Variants in EPHA4 observed in about 807,000 individuals in gnomAD.
The protein encoded by EPHA4 is ephrin type-A receptor 4.
EPHA4 carries 19 observed loss-of-function variants against 108.3 expected under a neutral mutation model. That is an observed-to-expected ratio of 0.18 (90% CI 0.12 to 0.26). EPHA4 has a LOEUF of 0.26. EPHA4 is among the 10% of genes least tolerant of loss of function. The pLI, the probability that EPHA4 is intolerant of heterozygous loss-of-function variation, is 1.00. For synonymous variants in EPHA4, 449 were observed against 455.5 expected, an observed-to-expected ratio of 0.99 and a Z score of 0.18; for missense variants, 917 against 1,254.0, an observed-to-expected ratio of 0.73 and a Z score of 4.06.
At chr2:221,460,685 C>T (rs181223790) in intron 5 of EPHA4, among the ~76,000 whole-genome samples, 15 of 152,272 alleles carry the variant, frequency 9.9e-5, no homozygotes, top group Admixed American at 2.0e-4. Context: ...TGGGCTTTTC[C>T]CTCACCCTTT....
At chr2:221,534,717 A>G (rs1206068899) in intron 3 of EPHA4, among the ~76,000 whole-genome samples, 15 of 152,344 alleles carry the variant, frequency 9.8e-5, no homozygotes. Context: ...CATTTAGCTG[A>G]AAATTTAATT....
chr2:221,478,103 G>A (rs1187949605), intron 5 of EPHA4, among the ~76,000 whole-genome samples: 3 of 151,974 alleles, frequency 2.0e-5, no homozygotes, highest in East Asian at 1.9e-4. Flanking sequence ...GATTTAAAAC[G>A]CCAGAATATG....
chr2:221,433,458 A>G (rs891496660), intron 14 of EPHA4, among the ~76,000 whole-genome samples: 1 of 152,222 alleles, frequency 6.6e-6, no homozygotes, highest in Non-Finnish European at 1.5e-5. Context: ...AGAATTAGCT[A>G]AAACGTGTTC....
At chr2:221,556,131 A>G (rs1694294606) in intron 3 of EPHA4, among the ~76,000 whole-genome samples, 1 of 152,222 alleles carries the variant, frequency 6.6e-6, no homozygotes, top group Non-Finnish European at 1.5e-5. Flanking sequence ...ATAACTACTA[A>G]TATTTACCAA....
At chr2:221,555,658 C>G (rs879556500) in intron 3 of EPHA4, among the ~76,000 whole-genome samples, 60 of 152,310 alleles carry the variant, frequency 3.9e-4, no homozygotes, top group Admixed American at 2.7e-3. Context: ...CCAGCTGTAA[C>G]AGGATACAGG....
chr2:221,432,212 G>GA (rs1490039422), intron 14 of EPHA4, among the ~76,000 whole-genome samples: 3 of 151,650 alleles, frequency 2.0e-5, no homozygotes, highest in African/African-American at 7.3e-5. Context: ...ATTTAGGGTA[G>GA]AAAAACTGAC....
intron 3 of EPHA4, among the ~76,000 whole-genome samples, chr2:221,556,471 ATTT>A (rs1225934215): frequency 8.8e-5 from 10 of 113,742 alleles, no homozygotes; most frequent in Admixed American, 8.8e-5. Flanking sequence ...TAATTTTTGT[ATTT>A]TTTTTTTTTT....
At chr2:221,456,920 TG>T (rs1211093107) in intron 6 of EPHA4, 148 bp from the exon 7 acceptor site, 2 of 798,160 alleles carry the variant, frequency 2.5e-6, no homozygotes, top group Admixed American at 2.8e-5. Flanking sequence ...TGTATTCTCT[TG>T]GATGTTATAA....
At position 221,496,786 on chromosome 2, in the gene EPHA4, G is replaced by A. The variant is rs547148061; in HGVS notation, c.979+4231C>T. ...TAGCTAGATGTGGTGGCGTGTGCCTGTAATCCCAGCTACTTGGGAGGCTGA... is the reference window on the plus strand; with the variant it reads ...TAGCTAGATGTGGTGGCGTGTGCCTATAATCCCAGCTACTTGGGAGGCTGA... On this transcript the variant is annotated intron_variant, in intron 4 of 17. Transcript: ENST00000281821. Among the ~76,000 whole-genome samples, 10 of 152,182 alleles carry A rather than the reference G, an allele frequency of 6.6e-5. No homozygotes were observed. The South Asian group carries it at 1.2e-3, about 19-fold the overall frequency.
In EPHA4 at chr2:221,434,181, C is replaced by A. The variant is rs542900826; in HGVS notation, c.2457G>T (p.Ser819=). The A allele has an allele frequency of 8.7e-6, 14 of 1,613,936 alleles. No individual in the cohort carries two copies. The highest frequency in any genetic ancestry group is 1.2e-5 in the Non-Finnish European group (14 of 1,179,968). ...TATCCCAATAGGGCCTCTCCCCGTA[C>A]GACATCACTTCCCACATAACGATTC... ...SYGIVMWEVM[S]YGERPYWDMS... is the part of the protein sequence containing the mutation. Residue 819 remains serine, a synonymous_variant, in exon 14 of 18, where the codon TCG becomes TCT. Coordinates refer to ENST00000281821, the MANE Select transcript of EPHA4 (RefSeq NM_004438.5).
At chr2:221,459,765 A>G (rs541438776) in intron 5 of EPHA4, among the ~76,000 whole-genome samples, 1 of 152,324 alleles carries the variant, frequency 6.6e-6, no homozygotes, top group Admixed American at 6.5e-5. Flanking sequence ...ACACTCCATA[A>G]AAAGGAGCTC....
intron 3 of EPHA4, among the ~76,000 whole-genome samples, chr2:221,522,770 A>T (rs369596052): frequency 0.028 from 3,569 of 128,066 alleles, 104 homozygotes; most frequent in East Asian, 0.074. Context: ...TATTATTATT[A>T]TTATTTTTTT....
At chr2:221,568,357 C>T (rs749695592) in intron 2 of EPHA4, among the ~76,000 whole-genome samples, 74 of 152,042 alleles carry the variant, frequency 4.9e-4, no homozygotes, top group Admixed American at 2.7e-3. Flanking sequence ...AGGACAATTG[C>T]TCTTAAATTA....
At chr2:221,514,350 C>T (rs1175399796) in intron 3 of EPHA4, among the ~76,000 whole-genome samples, 1 of 152,072 alleles carries the variant, frequency 6.6e-6, no homozygotes, top group Non-Finnish European at 1.5e-5. Context: ...GGACCATTTT[C>T]TTGCTTTCGT....
In EPHA4 at chr2:221,501,057, A is replaced by G; in HGVS notation, c.939T>C (p.Phe313=). The change falls in exon 4 of 18, where the codon TTT becomes TTC. Residue 313 remains phenylalanine, a synonymous_variant. Coordinates refer to ENST00000281821, the MANE Select transcript of EPHA4 (RefSeq NM_004438.5). ...AGGCAGCATCGTTGTCAGCTCTGAA[A>G]AAGCCTCGGTCACAGGTGCACGAGG... ...GATSCTCDRG[F]FRADNDAASM... 6.2e-7 allele frequency: 1 copy of G among 1,613,052 alleles called. No homozygotes were observed. Among genetic ancestry groups the G allele is most frequent in the Non-Finnish European group, 8.5e-7 (1 of 1,179,524 alleles).
chr2:221,500,845 G>A (rs768868069), intron 4 of EPHA4, among the ~76,000 whole-genome samples, 172 bp downstream of exon 4: 27 of 152,160 alleles, frequency 1.8e-4, no homozygotes, highest in Non-Finnish European at 2.9e-4. Flanking sequence ...GAAGCAGTGG[G>A]AAAGACCCTT....
intron 3 of EPHA4, among the ~76,000 whole-genome samples, chr2:221,524,221 A>C (rs1427374992): frequency 1.3e-5 from 2 of 152,204 alleles, no homozygotes; most frequent in African/African-American, 2.4e-5. Flanking sequence ...CTCCTGCCGG[A>C]TGCTAACTCC....
intron 4 of EPHA4, among the ~76,000 whole-genome samples, chr2:221,497,579 A>C (rs1692336286): frequency 6.6e-6 from 1 of 151,992 alleles, no homozygotes; most frequent in African/African-American, 2.4e-5. Context: ...TCTCTACTAA[A>C]AACAAAAACA....
At chr2:221,433,471 G>C (rs917554058) in intron 14 of EPHA4, among the ~76,000 whole-genome samples, 2 of 152,070 alleles carry the variant, frequency 1.3e-5, no homozygotes, top group African/African-American at 4.8e-5. Context: ...ACGTGTTCTA[G>C]GAAGACCCCT....
Sources: allele counts gnomAD v4.1 joint callset (sites outside exome capture counted in the v4.1 genomes callset), GRCh38; gene constraint gnomAD v4.1.1; transcripts MANE v1.5; gene names NCBI Gene and HGNC (gene_info 2026-07-23, HGNC 2026-07-21).